GRM7: variants seen among roughly 807,000 people sequenced by gnomAD.
GRM7 encodes glutamate metabotropic receptor 7, also known as metabotropic glutamate receptor 7.
GRM7 carries 35 observed loss-of-function variants against 84.5 expected under a neutral mutation model. That is an observed-to-expected ratio of 0.41 (90% CI 0.32 to 0.55). The LOEUF (loss-of-function observed/expected upper bound fraction) is 0.55. Among genes scored for constraint, GRM7 ranks in the 20% least tolerant of loss-of-function variants. The pLI, the probability that GRM7 is intolerant of heterozygous loss-of-function variation, is 0.19. For missense variants in GRM7, 1,003 were observed against 1,194.6 expected (o/e 0.84, Z 2.36); for synonymous variants, 487 against 455.1 (o/e 1.07, Z -0.89).
intron 7 of GRM7, among the ~76,000 whole-genome samples, chr3:7,516,664 G>A (rs1041742051): frequency 3.9e-5 from 6 of 152,056 alleles, no homozygotes; most frequent in Non-Finnish European, 7.4e-5. Context: ...GTATGAGCTG[G>A]AGCATTGAAT....
At chr3:7,370,828 C>T (rs921491983) in intron 4 of GRM7, among the ~76,000 whole-genome samples, 4 of 152,118 alleles carry the variant, frequency 2.6e-5, no homozygotes, top group East Asian at 1.9e-4. Context: ...CATGTTTCCT[C>T]TTCCATTCCT....
At chr3:6,931,760 T>C (rs762834005) in intron 1 of GRM7, among the ~76,000 whole-genome samples, 4 of 152,210 alleles carry the variant, frequency 2.6e-5, no homozygotes, top group African/African-American at 9.6e-5. Flanking sequence ...CTCAGTGAGC[T>C]CAAGAACCGT....
intron 9 of GRM7, among the ~76,000 whole-genome samples, chr3:7,719,837 C>A (rs759188948): frequency 7.0e-6 from 1 of 142,004 alleles, no homozygotes; most frequent in Non-Finnish European, 1.6e-5. Flanking sequence ...GAAATGATAA[C>A]CTACAAAAGG....
intron 1 of GRM7, among the ~76,000 whole-genome samples, chr3:6,885,796 C>T (rs893594629): frequency 3.9e-5 from 6 of 152,180 alleles, no homozygotes; most frequent in Non-Finnish European, 8.8e-5. Flanking sequence ...CATCTTACAT[C>T]CTTGTCATTA....
intron 2 of GRM7, among the ~76,000 whole-genome samples, chr3:7,224,524 T>C (rs1262695526): frequency 6.6e-6 from 1 of 152,212 alleles, no homozygotes; most frequent in African/African-American, 2.4e-5. Context: ...TCCACAGTCA[T>C]GGCCCTTGTA....
chr3:7,372,924 T>C (rs1359706210), intron 4 of GRM7, among the ~76,000 whole-genome samples: 1 of 152,154 alleles, frequency 6.6e-6, no homozygotes, highest in Non-Finnish European at 1.5e-5. Context: ...TTTCTCTCTT[T>C]ATTTTTTCTT....
intron 2 of GRM7, among the ~76,000 whole-genome samples, chr3:7,228,805 T>C (rs908087091): frequency 5.3e-5 from 8 of 152,320 alleles, no homozygotes; most frequent in African/African-American, 1.7e-4. Context: ...TGCTTTTCCA[T>C]TGTAGATAAA....
At chr3:7,426,528 A>G (rs1575319350) in intron 5 of GRM7, among the ~76,000 whole-genome samples, 1 of 151,670 alleles carries the variant, frequency 6.6e-6, no homozygotes, top group South Asian at 2.1e-4. Context: ...CTCACTCTTC[A>G]CATCTCAGTG....
intron 1 of GRM7, among the ~76,000 whole-genome samples, chr3:6,996,508 C>T (rs1293572814): frequency 6.6e-6 from 1 of 152,140 alleles, no homozygotes; most frequent in Non-Finnish European, 1.5e-5. Flanking sequence ...GTCAGGAGTT[C>T]TCTGGACAAT....
intron 8 of GRM7, chr3:7,636,127 T>C (rs1446752673): frequency 4.7e-6 from 2 of 425,102 alleles, no homozygotes; most frequent in Non-Finnish European, 9.6e-6. Context: ...ACCTAGAGGT[T>C]GTTCATTTTG....
intron 8 of GRM7, among the ~76,000 whole-genome samples, chr3:7,582,630 G>A (rs1695313763): frequency 6.6e-6 from 1 of 151,376 alleles, no homozygotes; most frequent in African/African-American, 2.4e-5. Context: ...GCACCCACAG[G>A]CCACTTTTCT....
At chr3:7,225,476 A>C (rs1271589392) in intron 2 of GRM7, among the ~76,000 whole-genome samples, 1 of 147,642 alleles carries the variant, frequency 6.8e-6, no homozygotes, top group Non-Finnish European at 1.5e-5. Context: ...AATTATAATA[A>C]ATGTAAATAT....
At chr3:7,119,504 C>T (rs1212915746) in intron 1 of GRM7, among the ~76,000 whole-genome samples, 1 of 152,092 alleles carries the variant, frequency 6.6e-6, no homozygotes, top group East Asian at 1.9e-4. Context: ...ATCAGCAGAA[C>T]AAACATAAAA....
chr3:7,100,767 C>T (rs996902985), intron 1 of GRM7, among the ~76,000 whole-genome samples: 1 of 151,774 alleles, frequency 6.6e-6, no homozygotes, highest in Non-Finnish European at 1.5e-5. Flanking sequence ...ACACAAAAAA[C>T]CTTTCCTGTG....
intron 1 of GRM7, among the ~76,000 whole-genome samples, chr3:7,001,280 G>T (rs938614256): frequency 1.3e-5 from 2 of 152,218 alleles, no homozygotes; most frequent in Non-Finnish European, 2.9e-5. Context: ...AGCCTGGAAG[G>T]TTGAGGCTAC....
chr3:7,311,855 A>G (rs993155124), intron 4 of GRM7, among the ~76,000 whole-genome samples: 1 of 152,118 alleles, frequency 6.6e-6, no homozygotes, highest in Non-Finnish European at 1.5e-5. Flanking sequence ...TCAGCCTCCC[A>G]AAGTGTTAGG....
chr3:7,584,320 T>C (rs1695409419), intron 8 of GRM7, among the ~76,000 whole-genome samples: 1 of 152,206 alleles, frequency 6.6e-6, no homozygotes, highest in African/African-American at 2.4e-5. Context: ...GTGGGTCAAG[T>C]TAATTTGAAA....
chr3:6,949,015 C>T (rs565880299), intron 1 of GRM7, among the ~76,000 whole-genome samples: 1 of 152,220 alleles, frequency 6.6e-6, no homozygotes, highest in Admixed American at 6.5e-5. Flanking sequence ...ATCCAATTTG[C>T]CAGTCTGTGT....
intron 2 of GRM7, among the ~76,000 whole-genome samples, chr3:7,234,331 T>C (rs1451469314): frequency 6.6e-6 from 1 of 152,186 alleles, no homozygotes; most frequent in Admixed American, 6.5e-5. Context: ...TTAATTCACA[T>C]ATGTGGATTC....
Sources: gnomAD v4.1 joint callset for allele counts (sites outside exome capture counted in the v4.1 genomes callset) on GRCh38, gnomAD v4.1.1 for gene constraint, MANE v1.5 for transcripts, NCBI Gene and HGNC (gene_info 2026-07-23, HGNC 2026-07-21) for gene names.